Variants in ADAMTSL1 observed in about 807,000 individuals in gnomAD.
ADAMTSL1 encodes ADAMTS-like protein 1.
ADAMTSL1 carries 126 observed loss-of-function variants against 201.8 expected under a neutral mutation model. The observed-to-expected ratio is 0.62, with a 90% CI of 0.54 to 0.72. The LOEUF (loss-of-function observed/expected upper bound fraction) is 0.72, where lower values mean the gene tolerates loss of function less well. Ranked by LOEUF, ADAMTSL1 falls within the 30% of genes least tolerant of loss-of-function variation. ADAMTSL1 has a pLI of 0.00. For missense variants in ADAMTSL1, 2,679 were observed against 2,277.8 expected (o/e 1.18, Z -3.59); for synonymous variants, 1,121 against 903.4 (o/e 1.24, Z -4.32).
intron 7 of ADAMTSL1, among the ~76,000 whole-genome samples, chr9:18,641,576 T>C (rs1827442619): frequency 6.6e-6 from 1 of 152,090 alleles, no homozygotes; most frequent in Non-Finnish European, 1.5e-5. Flanking sequence ...TTTTCTTCAG[T>C]GTTTCTTTAG....
intron 1 of ADAMTSL1, among the ~76,000 whole-genome samples, chr9:18,477,902 T>C (rs539898788): frequency 6.6e-5 from 10 of 152,254 alleles, no homozygotes; most frequent in African/African-American, 2.2e-4. Context: ...GAGTGTCCAA[T>C]AGTGGTCACT....
intron 1 of ADAMTSL1, among the ~76,000 whole-genome samples, chr9:17,965,571 C>G (rs1054680305): frequency 6.6e-6 from 1 of 152,160 alleles, no homozygotes; most frequent in African/African-American, 2.4e-5. Context: ...ACAAACCAAA[C>G]CAACCAAGTC....
At chr9:18,788,115 TA>T (rs1249045592) in intron 19 of ADAMTSL1, among the ~76,000 whole-genome samples, 1 of 152,100 alleles carries the variant, frequency 6.6e-6, no homozygotes, top group Non-Finnish European at 1.5e-5. Flanking sequence ...CAGCAAAGGT[TA>T]AAAAAAGTTG....
intron 23 of ADAMTSL1, among the ~76,000 whole-genome samples, chr9:18,873,873 A>C (rs1307974327): frequency 2.0e-5 from 3 of 152,106 alleles, no homozygotes; most frequent in Non-Finnish European, 4.4e-5. Context: ...TTGAGTTTTT[A>C]GATGACTTTT....
In ADAMTSL1 at chr9:17,910,099, C is replaced by T. The variant is rs1208773657; in HGVS notation, c.87+3177C>T. On this transcript the variant is annotated intron_variant, in intron 1 of 29. Transcript: ENST00000680146. ...GTAGCTTCCAGTCCCGGCGCTGTCC[C>T]TAAGCGCGGTATCATTTTGGTCGAG... is the stretch of plus-strand genomic sequence containing the variant. Among the ~76,000 whole-genome samples, 2 of 68,116 alleles carry T rather than the reference C, an allele frequency of 2.9e-5. 1 individual carries two copies. Among genetic ancestry groups the T allele is most frequent in the Non-Finnish European group, 9.0e-5 (2 of 22,156 alleles). The allele number at this position is 68,116 out of a possible 152,430, so 44.7% of individuals were successfully genotyped here.
chr9:18,081,536 G>A (rs1230780154), intron 1 of ADAMTSL1, among the ~76,000 whole-genome samples: 1 of 152,048 alleles, frequency 6.6e-6, no homozygotes, highest in Non-Finnish European at 1.5e-5. Flanking sequence ...GTGGATCAGG[G>A]CAATACTTTA....
chr9:18,700,170 G>T (rs1196209412), intron 13 of ADAMTSL1, among the ~76,000 whole-genome samples: 2 of 152,150 alleles, frequency 1.3e-5, no homozygotes, highest in Non-Finnish European at 2.9e-5. Context: ...TAATGCTCCA[G>T]CTATATTTTA....
chr9:18,159,371 G>C (rs1050126028), intron 1 of ADAMTSL1, among the ~76,000 whole-genome samples: 1 of 151,922 alleles, frequency 6.6e-6, no homozygotes. Flanking sequence ...AATGAAGAAA[G>C]AAGAACAATA....
chr9:18,763,618 G>C (rs1820194992), intron 16 of ADAMTSL1, among the ~76,000 whole-genome samples: 2 of 152,024 alleles, frequency 1.3e-5, no homozygotes, highest in African/African-American at 4.8e-5. Context: ...CTTTGTTTGA[G>C]GTCTTAGATT....
chr9:18,085,334 C>G (rs1823700802), intron 1 of ADAMTSL1, among the ~76,000 whole-genome samples: 1 of 152,000 alleles, frequency 6.6e-6, no homozygotes, highest in African/African-American at 2.4e-5. Context: ...CTGTTGCCTC[C>G]TCTTTGAAGA....
rs558420913 is a variant in ADAMTSL1, at chr9:18,443,675, CCTAGGTGTGTA to C, written c.208-61151_208-61141del. Among the ~76,000 whole-genome samples the C allele has an allele frequency of 7.2e-4, 109 of 152,262 alleles. 3 individuals are homozygous for C. In the South Asian group the frequency reaches 0.021, roughly 29 times the overall value. ...TGGATACTTTGCAGTCCTTTTTCAG[CCTAGGTGTGTA>C]CTGTACTGACTTTTAGTTTCTCCCC... On this transcript the variant is annotated intron_variant, in intron 2 of 29. Coordinates refer to the ADAMTSL1 transcript ENST00000680146.
chr9:18,773,615 T>C (rs1393936491), intron 17 of ADAMTSL1, among the ~76,000 whole-genome samples: 1 of 152,208 alleles, frequency 6.6e-6, no homozygotes, highest in Non-Finnish European at 1.5e-5. Context: ...CCTCATCACC[T>C]GAGAAGCCCC....
intron 19 of ADAMTSL1, chr9:18,793,393 A>C (rs1822175107): frequency 6.6e-6 from 1 of 152,256 alleles, no homozygotes; most frequent in Admixed American, 6.5e-5. Context: ...AATGTCATAC[A>C]GCCTGGAGAG....
intron 1 of ADAMTSL1, among the ~76,000 whole-genome samples, chr9:17,919,019 T>A (rs561260271): frequency 4.6e-5 from 7 of 152,012 alleles, no homozygotes; most frequent in African/African-American, 1.2e-4. Flanking sequence ...GAGATTTTTT[T>A]AATATAATAG....
At chr9:18,841,467 A>G (rs551592535) in intron 23 of ADAMTSL1, among the ~76,000 whole-genome samples, 3 of 152,282 alleles carry the variant, frequency 2.0e-5, no homozygotes, top group South Asian at 2.1e-4. Context: ...TTTTGCATCA[A>G]TGTTCATCAA....
chr9:18,374,150 G>A (rs1223406663), intron 2 of ADAMTSL1, among the ~76,000 whole-genome samples: 2 of 152,076 alleles, frequency 1.3e-5, no homozygotes, highest in African/African-American at 2.4e-5. Flanking sequence ...AGCCTAATAG[G>A]CAGCACAGAT....
chr9:18,304,734 T>C (rs1833841289), intron 2 of ADAMTSL1, among the ~76,000 whole-genome samples: 1 of 152,090 alleles, frequency 6.6e-6, no homozygotes. Flanking sequence ...AAAAATAGTA[T>C]CTTTGTTACT....
At chr9:18,623,163 G>T (rs1171532822) in intron 5 of ADAMTSL1, among the ~76,000 whole-genome samples, 1 of 151,984 alleles carries the variant, frequency 6.6e-6, no homozygotes, top group Non-Finnish European at 1.5e-5. Flanking sequence ...CCCAAAGTGA[G>T]GGATTACAGG....
At chr9:18,317,043 G>C (rs1053862144) in intron 2 of ADAMTSL1, among the ~76,000 whole-genome samples, 2 of 152,160 alleles carry the variant, frequency 1.3e-5, no homozygotes, top group African/African-American at 4.8e-5. Context: ...ATATTATTCA[G>C]CCTTTAAAAA....
Sources: gnomAD v4.1 joint callset for allele counts (sites outside exome capture counted in the v4.1 genomes callset) on GRCh38, gnomAD v4.1.1 for gene constraint, MANE v1.5 for transcripts, NCBI Gene and HGNC (gene_info 2026-07-23, HGNC 2026-07-21) for gene names.